Variants in ATG7 observed in about 807,000 individuals in gnomAD.
ATG7 encodes autophagy related 7.
ATG7 carries 70 observed loss-of-function variants against 82.4 expected under a neutral mutation model. The ratio of observed to expected loss-of-function variants is 0.85; its 90% CI spans 0.70 to 1.04. The LOEUF is 1.04. ATG7 is among the 50% of genes least tolerant of loss of function. The probability of loss-of-function intolerance (pLI) is 0.00; values close to 1 mark genes in which losing one functional copy is unlikely to be tolerated. For missense variants in ATG7, 792 were observed against 864.3 expected (o/e 0.92, Z 1.05); for synonymous variants, 287 against 313.0 (o/e 0.92, Z 0.88).
At chr3:11,547,389 A>G (rs1474182427) in intron 20 of ATG7, among the ~76,000 whole-genome samples, 1 of 152,194 alleles carries the variant, frequency 6.6e-6, no homozygotes, top group African/African-American at 2.4e-5. Context: ...TCATTTATTC[A>G]TCAGTTGGTG....
chr3:11,424,439 A>G (rs1289867683), intron 19 of ATG7, among the ~76,000 whole-genome samples: 2 of 151,980 alleles, frequency 1.3e-5, no homozygotes, highest in Non-Finnish European at 2.9e-5. Context: ...TAATTGTGCC[A>G]TTGCACTCCA....
chr3:11,307,162 G>A (rs762359940), intron 6 of ATG7, 102 bp downstream of exon 6: 46 of 1,065,642 alleles, frequency 4.3e-5, no homozygotes, highest in Non-Finnish European at 6.4e-5. Flanking sequence ...ACTGGCATAT[G>A]AAGGGAACTT....
rs117925206 is a variant in ATG7 at position 11,551,171 on chromosome 3, G to A, written c.2080-3640G>A. ...CGTTTCTGTACTCGTCGTGTCCTGC[G>A]GGCCGTCTGAGTGTTCCGTGCTGAC... On this transcript the variant is annotated intron_variant, in intron 20 of 20. Coordinates refer to ENST00000693202, the MANE Select transcript of ATG7 (RefSeq NM_001349232.2). Among the ~76,000 whole-genome samples, 105 of 152,224 alleles carry A rather than the reference G, an allele frequency of 6.9e-4. 1 individual carries two copies. In the East Asian group the frequency reaches 0.019, roughly 27 times the overall value.
chr3:11,414,594 TGG>T (rs1008671986), intron 19 of ATG7, among the ~76,000 whole-genome samples: 62 of 152,184 alleles, frequency 4.1e-4, no homozygotes, highest in African/African-American at 1.4e-3. Flanking sequence ...TGAAAAGGAG[TGG>T]TAAGGGGATT....
intron 9 of ATG7, among the ~76,000 whole-genome samples, chr3:11,327,764 C>A (rs145111378): frequency 6.6e-6 from 1 of 152,170 alleles, no homozygotes; most frequent in Non-Finnish European, 1.5e-5. Context: ...TTGAGATCCA[C>A]GGCCATTAGA....
At chr3:11,471,060 G>A (rs2087450802) in intron 20 of ATG7, among the ~76,000 whole-genome samples, 1 of 152,044 alleles carries the variant, frequency 6.6e-6, no homozygotes, top group Admixed American at 6.6e-5. Context: ...ACTAGAGCAG[G>A]CCCTAGCGAG....
chr3:11,544,673 A>C (rs2071121230), intron 20 of ATG7, among the ~76,000 whole-genome samples: 1 of 152,212 alleles, frequency 6.6e-6, no homozygotes, highest in East Asian at 1.9e-4. Flanking sequence ...GACGTGCTGG[A>C]GTCCTCAGAA....
rs534364529 is a variant in ATG7 at position 11,309,640 on chromosome 3, G to A, written c.411+579G>A. 2.0e-5 allele frequency among the ~76,000 whole-genome samples: 3 copies of A among 152,184 alleles called. No individual in the cohort carries two copies. In the South Asian group the frequency reaches 6.2e-4, roughly 32 times the overall value. On this transcript the variant is annotated intron_variant, in intron 7 of 20. Coordinates refer to ENST00000693202, the MANE Select transcript of ATG7 (RefSeq NM_001349232.2). ...AGGGAAAAGTAGGGAAAAGGTAAGG[G>A]TCGATTATAGAGATACCAGCTATGC...
intron 19 of ATG7, among the ~76,000 whole-genome samples, chr3:11,403,086 T>C (rs1026228968): frequency 1.3e-5 from 2 of 152,222 alleles, no homozygotes; most frequent in Non-Finnish European, 2.9e-5. Context: ...TTTATAAATA[T>C]GTTGATGCTA....
chr3:11,556,319 C>G lies in ATG7; in HGVS notation c.*1476C>G, dbSNP rs1311849890. The G allele has an allele frequency of 1.3e-5, 2 of 152,872 alleles. No homozygotes were observed. Among genetic ancestry groups the G allele is most frequent in the East Asian group, 3.8e-4 (2 of 5,308 alleles). 9.5% of individuals were successfully genotyped at this position (152,872 alleles called of 1,614,324 possible). ...GAAATGTTTGGTTTTCTGCTGCCTC[C>G]TCTGCCCCAGGCCCCCCTCCAGGGT... is the stretch of plus-strand genomic sequence containing the variant. On this transcript the variant is annotated 3_prime_UTR_variant, in exon 21 of 21. Transcript: ENST00000693202.
intron 19 of ATG7, among the ~76,000 whole-genome samples, chr3:11,390,332 AAC>A (rs1373076060): frequency 2.0e-5 from 3 of 152,220 alleles, no homozygotes; most frequent in African/African-American, 7.2e-5. Flanking sequence ...AGAAAACAAA[AAC>A]ATGTGTCTCC....
At chr3:11,415,197 A>T (rs2081264973) in intron 19 of ATG7, among the ~76,000 whole-genome samples, 1 of 152,208 alleles carries the variant, frequency 6.6e-6, no homozygotes, top group Admixed American at 6.5e-5. Flanking sequence ...AAGTACAGTA[A>T]AAGTATGGTA....
intron 20 of ATG7, 30 bp from the exon 21 acceptor site, chr3:11,554,781 T>G: frequency 6.2e-7 from 1 of 1,612,182 alleles, no homozygotes; most frequent in Non-Finnish European, 8.5e-7. Context: ...GTGGGACATC[T>G]CGGCTGAGCC....
chr3:11,525,606 G>T (rs2124944477), intron 20 of ATG7, among the ~76,000 whole-genome samples: 1 of 148,334 alleles, frequency 6.7e-6, no homozygotes, highest in Non-Finnish European at 1.5e-5. Flanking sequence ...CCAGGCTGGA[G>T]TGCAGTGGCG....
At chr3:11,339,782 TAA>T (rs1439430152) in intron 11 of ATG7, among the ~76,000 whole-genome samples, 1 of 152,202 alleles carries the variant, frequency 6.6e-6, no homozygotes, top group Non-Finnish European at 1.5e-5. Flanking sequence ...GAGAGCCACG[TAA>T]GTGTGGGAAA....
At chr3:11,480,740 A>G (rs116196294) in intron 20 of ATG7, among the ~76,000 whole-genome samples, 1,717 of 152,320 alleles carry the variant, frequency 0.011, 31 homozygotes, top group African/African-American at 0.039. Context: ...GTGAATTTCC[A>G]TAACAATTCA....
chr3:11,482,034 G>C (rs2089047168), intron 20 of ATG7, among the ~76,000 whole-genome samples: 1 of 152,198 alleles, frequency 6.6e-6, no homozygotes, highest in South Asian at 2.1e-4. Context: ...GCTTCAAGGA[G>C]CCCTTAATTC....
At chr3:11,428,618 T>C (rs2082581606) in intron 20 of ATG7, among the ~76,000 whole-genome samples, 1 of 152,242 alleles carries the variant, frequency 6.6e-6, no homozygotes, top group African/African-American at 2.4e-5. Flanking sequence ...ATTTTTCCCC[T>C]GAATTGTGAT....
At chr3:11,519,590 C>T (rs910494560) in intron 20 of ATG7, among the ~76,000 whole-genome samples, 32 of 105,074 alleles carry the variant, frequency 3.0e-4, no homozygotes, top group South Asian at 1.1e-3. Flanking sequence ...GACGGAGTCT[C>T]TCTCTGTCGC....
Sources: allele counts gnomAD v4.1 joint callset (sites outside exome capture counted in the v4.1 genomes callset), GRCh38; gene constraint gnomAD v4.1.1; transcripts MANE v1.5; gene names NCBI Gene and HGNC (gene_info 2026-07-23, HGNC 2026-07-21).